Variants in ADCY3 observed in about 807,000 individuals in gnomAD.
The protein encoded by ADCY3 is adenylate cyclase 3.
Under a neutral mutation model 119.4 loss-of-function variants are expected in ADCY3, and 70 were observed. That is an observed-to-expected ratio of 0.59 (90% CI 0.48 to 0.72). The LOEUF is 0.72. ADCY3 is among the 30% of genes least tolerant of loss of function. The pLI, the probability that ADCY3 is intolerant of heterozygous loss-of-function variation, is 0.00. For missense variants in ADCY3, 1,238 were observed against 1,541.6 expected (o/e 0.80, Z 3.30); for synonymous variants, 672 against 621.4 (o/e 1.08, Z -1.21).
Position 24,841,215 on chromosome 2 carries a change from G to C in ADCY3, c.1196+44C>G. ...TGCTTCTCCCTGGGTCCAGGGCCGG[G>C]GCCCTTGCTCTGGGAGCCTCCCTCC... On this transcript the variant is annotated intron_variant, in intron 6 of 21. Transcript: ENST00000679454. This position sits in a 1 kb window ranked among gnomAD's most constrained non-coding sequence, Gnocchi z 5.8. The C allele has an allele frequency of 6.5e-7, 1 of 1,527,046 alleles. No homozygotes were observed. The highest frequency in any genetic ancestry group is 8.8e-7 in the Non-Finnish European group (1 of 1,135,622). The allele number at this position is 1,527,046 out of a possible 1,614,324, so 94.6% of individuals were successfully genotyped here.
intron 2 of ADCY3, among the ~76,000 whole-genome samples, chr2:24,888,946 T>C (rs1400150770): frequency 1.3e-5 from 2 of 152,022 alleles, no homozygotes; most frequent in Non-Finnish European, 2.9e-5. Context: ...GAGGCAGAGG[T>C]TGCAGTGAGC....
At position 24,824,551 on chromosome 2, in the gene ADCY3, A is replaced by G. The variant is rs373554200; in HGVS notation, c.2578-15T>C. On this transcript the variant is annotated splice_polypyrimidine_tract_variant and intron_variant, in intron 16 of 21. Coordinates refer to ENST00000679454, the MANE Select transcript of ADCY3 (RefSeq NM_004036.5). ...AGTTTTTCTACCTACAGACACAGAC[A>G]AGGCGAGGCATGTGCTCTAAGCTGG... is the stretch of plus-strand genomic sequence containing the variant. 14 of 1,613,368 alleles carry G rather than the reference A, an allele frequency of 8.7e-6. No homozygotes were observed. The African/African-American group carries it at 1.5e-4, about 17-fold the overall frequency.
chr2:24,866,608 C>A (rs2148771915), intron 3 of ADCY3, among the ~76,000 whole-genome samples: 1 of 145,114 alleles, frequency 6.9e-6, no homozygotes, highest in South Asian at 2.2e-4. Context: ...GGCCAAGATG[C>A]CAGGTTTCAA....
At chr2:24,822,198 G>A in intron 19 of ADCY3, 1 of 239,132 alleles carries the variant, frequency 4.2e-6, no homozygotes, top group Admixed American at 5.1e-5. Context: ...TGAAGGCCAT[G>A]CTTTCAGTTT....
intron 3 of ADCY3, among the ~76,000 whole-genome samples, chr2:24,861,290 T>TAAAAAGTGAGACATGG (rs1431277583): frequency 1.4e-5 from 2 of 147,732 alleles, no homozygotes; most frequent in Non-Finnish European, 3.0e-5. Flanking sequence ...CCTGACCAAA[T>TAAAAAGTGAGACATGG]AAAAAGTGAG....
At position 24,842,695 on chromosome 2, in the gene ADCY3, G is replaced by A. The variant is rs1018382076; in HGVS notation, c.826-311C>T. 2.7e-6 allele frequency: 1 copy of A among 367,982 alleles called. No individual in the cohort carries two copies. Among genetic ancestry groups the A allele is most frequent in the Non-Finnish European group, 5.2e-6 (1 of 191,092 alleles). The allele number at this position is 367,982 out of a possible 1,614,324, so 22.8% of individuals were successfully genotyped here. ...GCCACAAGAAGCGCAGCAGTCCTGCGTGGGCTGCTGCACCGTGAGCCCTCC... is the reference window on the plus strand; with the variant it reads ...GCCACAAGAAGCGCAGCAGTCCTGCATGGGCTGCTGCACCGTGAGCCCTCC... On this transcript the variant is annotated intron_variant, in intron 3 of 21. Transcript: ENST00000679454. The surrounding 1 kb of genome is among the most constrained non-coding windows in gnomAD (Gnocchi z 4.9).
intron 15 of ADCY3, chr2:24,826,528 T>C: frequency 6.0e-6 from 1 of 167,236 alleles, no homozygotes; most frequent in Non-Finnish European, 1.3e-5. Context: ...ACCTTGTTCA[T>C]ACATATTTTT....
chr2:24,892,227 G>A (rs1035776577), intron 2 of ADCY3, among the ~76,000 whole-genome samples: 1 of 149,204 alleles, frequency 6.7e-6, no homozygotes, highest in African/African-American at 2.5e-5. Context: ...CTTTATATGA[G>A]TTCAATCTTT....
intron 2 of ADCY3, among the ~76,000 whole-genome samples, chr2:24,879,510 T>G (rs931619142): frequency 6.6e-6 from 1 of 151,082 alleles, no homozygotes; most frequent in African/African-American, 2.4e-5. Flanking sequence ...ACACAGGGCT[T>G]GGCACAAAAT....
chr2:24,827,538 G>A lies in ADCY3; in HGVS notation c.2495+8C>T, dbSNP rs116538472. 9.4e-4 allele frequency: 1,482 copies of A among 1,580,580 alleles called. 12 individuals are homozygous for A. In the African/African-American group the frequency reaches 0.016, roughly 17 times the overall value. On this transcript the variant is annotated splice_region_variant and intron_variant, in intron 15 of 21. Transcript: ENST00000679454. Reference sequence around the variant, plus strand: ...GTGCAGGCCAGGAGGGGAAGCCGTGGCCCTTACCTGTCAGTGCCATTGAGC... The same window carrying A: ...GTGCAGGCCAGGAGGGGAAGCCGTGACCCTTACCTGTCAGTGCCATTGAGC...
chr2:24,919,103 T>C lies in ADCY3; in HGVS notation c.-116A>G, dbSNP rs1252563814. On this transcript the variant is annotated 5_prime_UTR_variant, in exon 2 of 22. Transcript: ENST00000679454. This position sits in a 1 kb window ranked among gnomAD's most constrained non-coding sequence, Gnocchi z 5.5. Reference sequence around the variant, plus strand: ...CCGGGGGAGGGCTGAGGGCCTCTTCTTGTCTGGGGCGGAGGGGAGGCCACC... The same window carrying C: ...CCGGGGGAGGGCTGAGGGCCTCTTCCTGTCTGGGGCGGAGGGGAGGCCACC... The C allele has an allele frequency of 7.7e-6, 9 of 1,168,560 alleles. No homozygotes were observed. The highest frequency in any genetic ancestry group is 1.1e-5 in the Non-Finnish European group (9 of 854,654). The allele number at this position is 1,168,560 out of a possible 1,614,324, so 72.4% of individuals were successfully genotyped here. A position where few individuals can be genotyped will look rare whatever the true frequency, so the allele number is the denominator to read the frequency against.
Position 24,823,260 on chromosome 2 carries a change from A to G in ADCY3, c.2832T>C (p.Gly944=), listed in dbSNP as rs763339528. ...TGAGGAAACGCAGACACTCAATACC[A>G]CCATTGTTGATGCTCTCCTCTGTGT... is the stretch of plus-strand genomic sequence containing the variant. The part of the protein sequence containing the change: ...DFYTEESINN[G]GIECLRFLNE... The change falls in exon 18 of 22, where the codon GGT becomes GGC. Residue 944 remains glycine, a synonymous_variant. Coordinates refer to ENST00000679454, the MANE Select transcript of ADCY3 (RefSeq NM_004036.5). 4 of 1,613,526 alleles carry G rather than the reference A, an allele frequency of 2.5e-6. No homozygotes were observed. Among genetic ancestry groups the G allele is most frequent in the Non-Finnish European group, 3.4e-6 (4 of 1,179,942 alleles).
At chr2:24,854,632 G>A (rs1672787939) in intron 3 of ADCY3, among the ~76,000 whole-genome samples, 1 of 152,122 alleles carries the variant, frequency 6.6e-6, no homozygotes, top group Non-Finnish European at 1.5e-5. Context: ...AAGGATAGAG[G>A]TCATAGTCTG....
intron 9 of ADCY3, 135 bp from the exon 10 acceptor site, chr2:24,835,071 C>T: frequency 8.2e-7 from 1 of 1,216,926 alleles, no homozygotes; most frequent in African/African-American, 1.5e-5. Context: ...GCTCTAAAAT[C>T]CCTTTCCGGG....
In ADCY3 at chr2:24,899,158, C is replaced by T. The variant is rs1678628518; in HGVS notation, c.675+19155G>A. ...GCAGTTGCCAACTGCCTAGGCAACT[C>T]CCTAGGCAGCTGACCCACAGAGGCC... On this transcript the variant is annotated intron_variant, in intron 2 of 21. Transcript: ENST00000679454. The surrounding 1 kb of genome is among the most constrained non-coding windows in gnomAD (Gnocchi z 4.5). Among the ~76,000 whole-genome samples the T allele has an allele frequency of 6.6e-6, 1 of 152,116 alleles. No individual in the cohort carries two copies. Among genetic ancestry groups the T allele is most frequent in the Non-Finnish European group, 1.5e-5 (1 of 68,006 alleles).
chr2:24,849,563 A>C (rs182309930), intron 3 of ADCY3, among the ~76,000 whole-genome samples: 1 of 152,322 alleles, frequency 6.6e-6, no homozygotes, highest in African/African-American at 2.4e-5. Flanking sequence ...CTTAAATAAC[A>C]AGAAAGGAGC....
chr2:24,850,389 T>C (rs1672154876), intron 3 of ADCY3, among the ~76,000 whole-genome samples: 2 of 152,074 alleles, frequency 1.3e-5, no homozygotes, highest in Admixed American at 6.6e-5. Context: ...ACCCCTTCAT[T>C]TGTGTTCCTG....
At chr2:24,820,673 T>A in intron 21 of ADCY3, 51 bp downstream of exon 21, 1 of 1,610,114 alleles carries the variant, frequency 6.2e-7, no homozygotes, top group Non-Finnish European at 8.5e-7. Flanking sequence ...CTGTTCCGGT[T>A]TTGTTCTCAT....
chr2:24,907,853 G>T (rs1455821913), intron 2 of ADCY3, among the ~76,000 whole-genome samples: 1 of 151,552 alleles, frequency 6.6e-6, no homozygotes, highest in Non-Finnish European at 1.5e-5. Flanking sequence ...AATTAGCCGG[G>T]TGTGGTGGTG....
Sources: allele counts gnomAD v4.1 joint callset (sites outside exome capture counted in the v4.1 genomes callset), GRCh38; gene constraint gnomAD v4.1.1; non-coding constraint Gnocchi (gnomAD v3.1); transcripts MANE v1.5; gene names NCBI Gene and HGNC (gene_info 2026-07-23, HGNC 2026-07-21).